The following SGIP1 variants were observed in gnomAD, a reference collection of about 807,000 sequenced individuals.
SGIP1 encodes the protein SH3GL interacting endocytic adaptor 1, also known as SH3-containing GRB2-like protein 3-interacting protein 1.
In SGIP1, 38 loss-of-function variants were observed where a neutral mutation model predicts 107.5. The observed-to-expected ratio is 0.35, with a 90% CI of 0.27 to 0.46. The LOEUF (loss-of-function observed/expected upper bound fraction) is 0.46. Ranked by LOEUF, SGIP1 falls within the 20% of genes least tolerant of loss-of-function variation. The probability of loss-of-function intolerance (pLI) is 1.00; values close to 1 mark genes in which losing one functional copy is unlikely to be tolerated. For missense variants in SGIP1, 929 were observed against 1,019.5 expected (o/e 0.91, Z 1.21); for synonymous variants, 365 against 366.1 (o/e 1.00, Z 0.03).
chr1:66,709,809 G>T (rs1189499964), intron 18 of SGIP1, among the ~76,000 whole-genome samples: 1 of 152,000 alleles, frequency 6.6e-6, no homozygotes, highest in Non-Finnish European at 1.5e-5. Flanking sequence ...GAATGCATGT[G>T]GAACACTTAG....
chr1:66,619,219 C>A (rs942503179), intron 1 of SGIP1, among the ~76,000 whole-genome samples: 1 of 152,142 alleles, frequency 6.6e-6, no homozygotes, highest in African/African-American at 2.4e-5. Flanking sequence ...GCAGGAGGAG[C>A]AAATGCACCT....
chr1:66,740,663 C>A lies in SGIP1; in HGVS notation c.2240C>A (p.Ala747Asp). 6.2e-7 allele frequency: 1 copy of A among 1,603,552 alleles called. No individual in the cohort carries two copies. Among genetic ancestry groups the A allele is most frequent in the Non-Finnish European group, 8.5e-7 (1 of 1,173,082 alleles). ...TTTACCTAATTTATTTTTAGGAATGCTGAACAACAGAGAATATTGTGGAAG... is the reference window on the plus strand; with the variant it reads ...TTTACCTAATTTATTTTTAGGAATGATGAACAACAGAGAATATTGTGGAAG... The part of the protein sequence containing the change: ...QAVLPPAVWN[A>D]EQQRILWKIP... The change falls in exon 23 of 25, where the codon GCT (alanine) becomes GAT (aspartate). Residue 747 changes from alanine to aspartate, a missense_variant. Coordinates refer to ENST00000371037, the MANE Select transcript of SGIP1 (RefSeq NM_032291.4).
chr1:66,547,058 T>C, intron 1 of SGIP1, among the ~76,000 whole-genome samples: 1 of 152,022 alleles, frequency 6.6e-6, no homozygotes, highest in African/African-American at 2.4e-5. Context: ...TAATGTAGTA[T>C]TACAGCATTA....
At chr1:66,589,604 T>C (rs1447175796) in intron 1 of SGIP1, among the ~76,000 whole-genome samples, 1 of 152,076 alleles carries the variant, frequency 6.6e-6, no homozygotes, top group Admixed American at 6.6e-5. Context: ...AAAACCCAAA[T>C]GCCTGTGAAA....
At chr1:66,600,778 G>T (rs551372485) in intron 1 of SGIP1, among the ~76,000 whole-genome samples, 1 of 152,282 alleles carries the variant, frequency 6.6e-6, no homozygotes, top group South Asian at 2.1e-4. Context: ...CAGAAAATGT[G>T]CTGATTTTAG....
chr1:66,578,938 A>G (rs2061447052), intron 1 of SGIP1, among the ~76,000 whole-genome samples: 1 of 152,164 alleles, frequency 6.6e-6, no homozygotes, highest in East Asian at 1.9e-4. Flanking sequence ...CCCAAAGTAC[A>G]TGGTATTTGT....
Position 66,750,233 on chromosome 1 carries a change from T to C in SGIP1, c.*7138T>C, listed in dbSNP as rs1391663516. ...CTGGCTTTTTAAGCTGTTTGAACACTATTGTTTTCGATTAAAAAGAGTTTT... is the reference window on the plus strand; with the variant it reads ...CTGGCTTTTTAAGCTGTTTGAACACCATTGTTTTCGATTAAAAAGAGTTTT... On this transcript the variant is annotated 3_prime_UTR_variant, in exon 25 of 25. Coordinates refer to ENST00000371037, the MANE Select transcript of SGIP1 (RefSeq NM_032291.4). Among the ~76,000 whole-genome samples, 2 of 152,228 alleles carry C rather than the reference T, an allele frequency of 1.3e-5. No individual in the cohort carries two copies. Among genetic ancestry groups the C allele is most frequent in the Non-Finnish European group, 2.9e-5 (2 of 68,044 alleles).
At chr1:66,721,465 A>G (rs2093528715) in intron 19 of SGIP1, among the ~76,000 whole-genome samples, 1 of 152,086 alleles carries the variant, frequency 6.6e-6, no homozygotes, top group African/African-American at 2.4e-5. Flanking sequence ...CTGAAGCACA[A>G]TGGCACAATC....
chr1:66,592,912 T>C (rs2063912864), intron 1 of SGIP1, among the ~76,000 whole-genome samples: 1 of 135,884 alleles, frequency 7.4e-6, no homozygotes, highest in Admixed American at 7.3e-5. Context: ...TTTTTTTTTT[T>C]TTTTTTTTTT....
At chr1:66,695,248 C>T in intron 17 of SGIP1, 186 bp from the exon 18 acceptor site, 3 of 890,842 alleles carry the variant, frequency 3.4e-6, no homozygotes, top group Non-Finnish European at 4.3e-6. Flanking sequence ...CTTTCTGTTT[C>T]CTGAACTAAA....
At chr1:66,573,659 C>G (rs1189663203) in intron 1 of SGIP1, among the ~76,000 whole-genome samples, 3 of 152,062 alleles carry the variant, frequency 2.0e-5, no homozygotes, top group African/African-American at 7.2e-5. Context: ...AATGCAGCAA[C>G]AGAAAACCAA....
chr1:66,613,755 G>A (rs914097864), intron 1 of SGIP1, among the ~76,000 whole-genome samples: 1 of 152,210 alleles, frequency 6.6e-6, no homozygotes, highest in African/African-American at 2.4e-5. Flanking sequence ...TTGATAAGTA[G>A]ATGACTAAAG....
intron 1 of SGIP1, among the ~76,000 whole-genome samples, chr1:66,584,252 A>T (rs2062226976): frequency 6.6e-6 from 1 of 152,092 alleles, no homozygotes; most frequent in African/African-American, 2.4e-5. Flanking sequence ...ATTAAGCTGA[A>T]TGTTAGTAAG....
At chr1:66,654,466 G>T (rs2079345793) in intron 7 of SGIP1, among the ~76,000 whole-genome samples, 1 of 151,624 alleles carries the variant, frequency 6.6e-6, no homozygotes, top group Non-Finnish European at 1.5e-5. Flanking sequence ...TATCTTTCTT[G>T]TACAATTATA....
At chr1:66,643,207 C>A (rs924979531) in intron 6 of SGIP1, among the ~76,000 whole-genome samples, 1 of 145,872 alleles carries the variant, frequency 6.9e-6, no homozygotes, top group African/African-American at 2.6e-5. Flanking sequence ...GCATTTAAAA[C>A]TCATCGAGGA....
chr1:66,626,198 T>G (rs1466634427), intron 2 of SGIP1: 1 of 206,128 alleles, frequency 4.9e-6, no homozygotes, highest in Admixed American at 6.3e-5. Flanking sequence ...AGGCAGAAAA[T>G]GTGACTGTTA....
chr1:66,629,982 C>A (rs2073893409), intron 2 of SGIP1, among the ~76,000 whole-genome samples: 1 of 152,124 alleles, frequency 6.6e-6, no homozygotes, highest in South Asian at 2.1e-4. Flanking sequence ...AACTGAGAAA[C>A]AAAGGGGTGA....
At chr1:66,735,305 T>A (rs1246240615) in intron 21 of SGIP1, among the ~76,000 whole-genome samples, 3 of 152,100 alleles carry the variant, frequency 2.0e-5, no homozygotes, top group African/African-American at 7.2e-5. Context: ...AACATCCACA[T>A]CCTGGGTTCA....
chr1:66,571,659 T>G (rs2060400361), intron 1 of SGIP1, among the ~76,000 whole-genome samples: 2 of 152,068 alleles, frequency 1.3e-5, no homozygotes, highest in South Asian at 4.1e-4. Context: ...AAAAATAATC[T>G]GCAAGTTCTC....
Sources: gnomAD v4.1 joint callset for allele counts (sites outside exome capture counted in the v4.1 genomes callset) on GRCh38, gnomAD v4.1.1 for gene constraint, MANE v1.5 for transcripts, NCBI Gene and HGNC (gene_info 2026-07-23, HGNC 2026-07-21) for gene names.